Variants in LDLRAD4 observed in about 807,000 individuals in gnomAD.
LDLRAD4 encodes the protein low-density lipoprotein receptor class A domain-containing protein 4.
Under a neutral mutation model 17.0 loss-of-function variants are expected in LDLRAD4, and 5 were observed. The observed-to-expected ratio is 0.29, with a 90% CI of 0.15 to 0.62. The LOEUF is 0.62. Among genes scored for constraint, LDLRAD4 ranks in the 20% least tolerant of loss-of-function variants. LDLRAD4 has a pLI of 0.84. For missense variants in LDLRAD4, 340 were observed against 424.7 expected (o/e 0.80, Z 1.75); for synonymous variants, 168 against 171.8 (o/e 0.98, Z 0.17).
intron 1 of LDLRAD4, among the ~76,000 whole-genome samples, chr18:13,250,318 T>C (rs1385047503): frequency 6.6e-6 from 1 of 151,894 alleles, no homozygotes; most frequent in Non-Finnish European, 1.5e-5. Context: ...TATGAAACTT[T>C]GGCTTTTTTT....
intron 1 of LDLRAD4, among the ~76,000 whole-genome samples, chr18:13,321,298 G>A (rs1273829211): frequency 6.6e-6 from 1 of 152,206 alleles, no homozygotes; most frequent in Non-Finnish European, 1.5e-5. Context: ...AACATTATGA[G>A]TCTGTGATTT....
chr18:13,273,462 G>A (rs539720248), upstream of LDLRAD4, among the ~76,000 whole-genome samples: 1 of 152,176 alleles, frequency 6.6e-6, no homozygotes, highest in Admixed American at 6.5e-5. Flanking sequence ...CACCACATCC[G>A]GCTAATATTT....
In LDLRAD4 at chr18:13,641,993, G is replaced by A. The variant is rs1056265364; in HGVS notation, c.337-1366G>A. The A allele has an allele frequency of 9.1e-6, 9 of 984,858 alleles. No homozygotes were observed. The Admixed American group carries it at 3.7e-4, about 40-fold the overall frequency. The allele number at this position is 984,858 out of a possible 1,614,324, so 61.0% of individuals were successfully genotyped here. On this transcript the variant is annotated intron_variant, in intron 4 of 5. Transcript: ENST00000359446. ...AGCCTGGGCCCTGGGCGGTGGGAGG[G>A]CCTCCGCCCCCTTCCCGCTTCCGCC...
At chr18:13,424,626 A>C (rs1407443365) in intron 2 of LDLRAD4, among the ~76,000 whole-genome samples, 1 of 152,188 alleles carries the variant, frequency 6.6e-6, no homozygotes, top group East Asian at 1.9e-4. Context: ...GGTGGTACTC[A>C]GTTCCTGGAT....
intron 2 of LDLRAD4, among the ~76,000 whole-genome samples, chr18:13,425,301 T>C (rs1430067561): frequency 1.3e-5 from 2 of 152,250 alleles, no homozygotes; most frequent in Non-Finnish European, 2.9e-5. Context: ...GTAGCTTTGT[T>C]ATACTTAAAT....
At chr18:13,423,025 A>T (rs1462657776) in intron 2 of LDLRAD4, among the ~76,000 whole-genome samples, 1 of 152,170 alleles carries the variant, frequency 6.6e-6, no homozygotes, top group Non-Finnish European at 1.5e-5. Flanking sequence ...GGCACAACTT[A>T]GCCTGCATTG....
chr18:13,630,293 G>T (rs773694521), intron 4 of LDLRAD4, among the ~76,000 whole-genome samples: 1 of 152,216 alleles, frequency 6.6e-6, no homozygotes, highest in African/African-American at 2.4e-5. Context: ...GAGGAAGAAA[G>T]GGGGAGGTGC....
chr18:13,441,953 G>A (rs982707068), intron 3 of LDLRAD4, among the ~76,000 whole-genome samples: 1 of 152,114 alleles, frequency 6.6e-6, no homozygotes, highest in African/African-American at 2.4e-5. Context: ...TATCTCCTGG[G>A]GAATGAGTTT....
At chr18:13,403,729 C>T (rs2145563957) in intron 2 of LDLRAD4, among the ~76,000 whole-genome samples, 1 of 152,344 alleles carries the variant, frequency 6.6e-6, no homozygotes, top group South Asian at 2.1e-4. Flanking sequence ...CCTCGTGGGA[C>T]TGCGTGTCTT....
At chr18:13,439,508 C>G (rs1410962475) in intron 3 of LDLRAD4, among the ~76,000 whole-genome samples, 1 of 152,246 alleles carries the variant, frequency 6.6e-6, no homozygotes, top group Non-Finnish European at 1.5e-5. Context: ...AGTCCCATCT[C>G]TATACTTTGC....
At chr18:13,344,035 C>T (rs1448519754) in intron 1 of LDLRAD4, among the ~76,000 whole-genome samples, 1 of 152,118 alleles carries the variant, frequency 6.6e-6, no homozygotes, top group East Asian at 1.9e-4. Context: ...TGTAGGTTGC[C>T]TGTTCACTCT....
At chr18:13,606,429 T>C (rs558964055) in intron 3 of LDLRAD4, among the ~76,000 whole-genome samples, 1 of 152,370 alleles carries the variant, frequency 6.6e-6, no homozygotes, top group African/African-American at 2.4e-5. Context: ...TCTGAACTAA[T>C]TTATTTAATA....
chr18:13,468,570 AT>A (rs1259015269), intron 3 of LDLRAD4, among the ~76,000 whole-genome samples: 2 of 152,154 alleles, frequency 1.3e-5, no homozygotes, highest in African/African-American at 4.8e-5. Context: ...TTGCGGCACT[AT>A]TCACAATAGC....
chr18:13,569,368 A>C (rs544189183), intron 3 of LDLRAD4, among the ~76,000 whole-genome samples: 1 of 152,276 alleles, frequency 6.6e-6, no homozygotes, highest in East Asian at 1.9e-4. Context: ...CTATAGAAAA[A>C]CTTTTTTTCA....
At chr18:13,478,692 C>T (rs1401928669) in intron 3 of LDLRAD4, among the ~76,000 whole-genome samples, 10 of 152,108 alleles carry the variant, frequency 6.6e-5, no homozygotes, top group Non-Finnish European at 1.5e-4. Context: ...GTCAAGATGC[C>T]GGTTCTTCCC....
intron 1 of LDLRAD4, among the ~76,000 whole-genome samples, chr18:13,365,124 G>A (rs1354510795): frequency 6.6e-6 from 1 of 152,228 alleles, no homozygotes; most frequent in Non-Finnish European, 1.5e-5. Flanking sequence ...CATCAGAAAT[G>A]CGTTTGCATT....
intron 3 of LDLRAD4, among the ~76,000 whole-genome samples, chr18:13,480,192 A>G (rs749295284): frequency 6.6e-6 from 1 of 152,256 alleles, no homozygotes; most frequent in African/African-American, 2.4e-5. Flanking sequence ...ATGGATAACT[A>G]AACTGTGGTA....
At chr18:13,650,290 A>G in exon 6 of LDLRAD4, 1 of 406,032 alleles carries the variant, frequency 2.5e-6, no homozygotes, top group Non-Finnish European at 4.3e-6. Context: ...TGGATGCATT[A>G]GGAAGCTGCT....
Position 13,506,549 on chromosome 18 carries a change from CT to C in LDLRAD4, c.181+68166del, listed in dbSNP as rs567460052. Among the ~76,000 whole-genome samples the C allele has an allele frequency of 2.0e-5, 3 of 152,188 alleles. No homozygotes were observed. The South Asian group carries it at 6.2e-4, about 32-fold the overall frequency. Reference sequence around the variant, plus strand: ...CCCTGGGTGACAGGGACCAACACAGCTACATACTTTGCATTCTGTACATGAA... The same window carrying C: ...CCCTGGGTGACAGGGACCAACACAGCACATACTTTGCATTCTGTACATGAA... On this transcript the variant is annotated intron_variant, in intron 3 of 5. Coordinates refer to ENST00000359446, the Ensembl canonical transcript of LDLRAD4.
Sources: allele counts gnomAD v4.1 joint callset (sites outside exome capture counted in the v4.1 genomes callset), GRCh38; gene constraint gnomAD v4.1.1; transcripts MANE v1.5; gene names NCBI Gene and HGNC (gene_info 2026-07-23, HGNC 2026-07-21).